Variants in NTM observed in about 807,000 individuals in gnomAD.
NTM encodes the protein neurotrimin.
In NTM, 13 loss-of-function variants were observed where a neutral mutation model predicts 42.1. The observed-to-expected ratio is 0.31, with a 90% confidence interval of 0.20 to 0.49. The LOEUF is 0.49. Among genes scored for constraint, NTM ranks in the 20% least tolerant of loss-of-function variants. NTM has a pLI of 0.99. For synonymous variants in NTM, 187 were observed against 179.2 expected (o/e 1.04, Z -0.35); for missense variants, 373 against 452.8 (o/e 0.82, Z 1.60).
chr11:131,975,914 T>C (rs1033451722), intron 2 of NTM, among the ~76,000 whole-genome samples: 6 of 152,136 alleles, frequency 3.9e-5, no homozygotes, highest in Admixed American at 2.6e-4. Flanking sequence ...GGATCCGAGA[T>C]ATGATTAACT....
intron 2 of NTM, among the ~76,000 whole-genome samples, chr11:132,078,869 G>C (rs984891902): frequency 2.0e-5 from 3 of 152,094 alleles, no homozygotes; most frequent in Non-Finnish European, 4.4e-5. Flanking sequence ...TCCCCTTTTT[G>C]AATCAGCAAA....
chr11:131,692,178 GACT>G (rs368437704), intron 1 of NTM, among the ~76,000 whole-genome samples: 356 of 152,220 alleles, frequency 2.3e-3, no homozygotes, highest in African/African-American at 8.0e-3. Flanking sequence ...CTCCAGGATT[GACT>G]CTGATGCCCC....
chr11:132,069,122 A>C (rs1457224334), intron 2 of NTM, among the ~76,000 whole-genome samples: 1 of 151,868 alleles, frequency 6.6e-6, no homozygotes, highest in Non-Finnish European at 1.5e-5. Flanking sequence ...AGGTTAGTTT[A>C]CACGTCACAC....
At chr11:131,379,069 G>C (rs1400086495) in intron 1 of NTM, among the ~76,000 whole-genome samples, 2 of 152,216 alleles carry the variant, frequency 1.3e-5, no homozygotes, top group Admixed American at 1.3e-4. Context: ...TTTGTGCCAA[G>C]TTTAGTCTCT....
At position 132,070,778 on chromosome 11, in the gene NTM, C is replaced by T. The variant is rs1353706535; in HGVS notation, c.168-75504C>T. Among the ~76,000 whole-genome samples, 4 of 103,888 alleles carry T rather than the reference C, an allele frequency of 3.9e-5. 1 individual carries two copies. Among genetic ancestry groups the T allele is most frequent in the Non-Finnish European group, 7.8e-5 (4 of 51,394 alleles). 68.2% of individuals were successfully genotyped at this position (103,888 alleles called of 152,430 possible). On this transcript the variant is annotated intron_variant, in intron 2 of 8. Coordinates refer to ENST00000683400, the MANE Select transcript of NTM (RefSeq NM_001352005.2). ...CACAGGTTAGTTAACACGTCACTCACCCAGGTTAACACGTCACACTGACCG... is the reference window on the plus strand; with the variant it reads ...CACAGGTTAGTTAACACGTCACTCATCCAGGTTAACACGTCACACTGACCG...
At chr11:131,893,027 T>G (rs1202413384) in intron 1 of NTM, among the ~76,000 whole-genome samples, 1 of 152,174 alleles carries the variant, frequency 6.6e-6, no homozygotes, top group Admixed American at 6.5e-5. Flanking sequence ...GGATTCTACC[T>G]TGTCTGGAAG....
chr11:131,807,997 C>T (rs563543878), intron 1 of NTM, among the ~76,000 whole-genome samples: 2 of 152,164 alleles, frequency 1.3e-5, no homozygotes, highest in African/African-American at 2.4e-5. Flanking sequence ...ATTTTGGAGA[C>T]GTCCTTCCTT....
intron 1 of NTM, among the ~76,000 whole-genome samples, chr11:131,830,431 C>T (rs995428263): frequency 1.9e-4 from 29 of 152,166 alleles, no homozygotes; most frequent in African/African-American, 6.5e-4. Flanking sequence ...TGAGTCCTTT[C>T]CCCATTGCTT....
chr11:131,371,064 T>G, intron 1 of NTM, 176 bp downstream of exon 1: 1 of 985,486 alleles, frequency 1.0e-6, no homozygotes, highest in East Asian at 1.1e-4. Flanking sequence ...AATATTGATT[T>G]GATTCTGGCT....
chr11:132,142,962 G>A (rs2069514638), intron 2 of NTM, among the ~76,000 whole-genome samples: 1 of 152,106 alleles, frequency 6.6e-6, no homozygotes, highest in African/African-American at 2.4e-5. Context: ...CCCTCGTTGT[G>A]GGCATCAAAA....
At chr11:132,180,501 A>G (rs574790782) in intron 3 of NTM, among the ~76,000 whole-genome samples, 7 of 152,362 alleles carry the variant, frequency 4.6e-5, no homozygotes, top group Admixed American at 3.9e-4. Context: ...ATGGCTTCCC[A>G]TAAGCAAGTA....
chr11:131,740,503 A>G (rs2081046176), intron 1 of NTM, among the ~76,000 whole-genome samples: 1 of 152,218 alleles, frequency 6.6e-6, no homozygotes, highest in South Asian at 2.1e-4. Flanking sequence ...CACTAATTAA[A>G]CGATGTGTGT....
At chr11:131,565,046 C>T (rs1444940599) in intron 1 of NTM, among the ~76,000 whole-genome samples, 4 of 152,364 alleles carry the variant, frequency 2.6e-5, no homozygotes, top group Admixed American at 6.5e-5. Flanking sequence ...CTTCTCACAT[C>T]GCAGATGCTT....
chr11:131,645,781 T>A (rs1569386), intron 1 of NTM, among the ~76,000 whole-genome samples: 84,932 of 152,102 alleles, frequency 0.56, 24,574 homozygotes, highest in East Asian at 0.78. Flanking sequence ...CTTCTTTCAA[T>A]GGGATCTTGG....
At chr11:131,938,246 G>A (rs1253957437) in intron 2 of NTM, among the ~76,000 whole-genome samples, 2 of 152,226 alleles carry the variant, frequency 1.3e-5, no homozygotes, top group Non-Finnish European at 2.9e-5. Context: ...GAAAGTAACT[G>A]GAGTGTGTTG....
intron 2 of NTM, among the ~76,000 whole-genome samples, chr11:132,092,001 G>A (rs77812344): frequency 0.018 from 2,743 of 152,246 alleles, 37 homozygotes; most frequent in Non-Finnish European, 0.02. Context: ...TGTGAGTCCC[G>A]CTTCCCTTCC....
chr11:132,081,714 A>G (rs2059079478), intron 2 of NTM, among the ~76,000 whole-genome samples: 1 of 148,376 alleles, frequency 6.7e-6, no homozygotes, highest in Admixed American at 6.8e-5. Context: ...ATAGAGCGAG[A>G]CTCCATCTAA....
intron 1 of NTM, among the ~76,000 whole-genome samples, chr11:131,852,753 A>C (rs1475923896): frequency 6.6e-6 from 1 of 152,124 alleles, no homozygotes; most frequent in Non-Finnish European, 1.5e-5. Context: ...CCATTCACTC[A>C]TCCATCCAAC....
At chr11:131,409,630 G>A (rs1591588620) in intron 1 of NTM, among the ~76,000 whole-genome samples, 1 of 152,336 alleles carries the variant, frequency 6.6e-6, no homozygotes, top group South Asian at 2.1e-4. Context: ...GTGGTGCAGC[G>A]GCACGGGGGC....
Sources: gnomAD v4.1 joint callset for allele counts (sites outside exome capture counted in the v4.1 genomes callset) on GRCh38, gnomAD v4.1.1 for gene constraint, MANE v1.5 for transcripts, NCBI Gene and HGNC (gene_info 2026-07-23, HGNC 2026-07-21) for gene names.